KREMEN1: variants seen among roughly 807,000 people sequenced by gnomAD.
KREMEN1 encodes the protein kremen protein 1.
A neutral mutation model predicts 46.5 loss-of-function variants in KREMEN1; 30 were observed. The observed-to-expected ratio is 0.65, with a 90% CI of 0.48 to 0.88. The LOEUF (loss-of-function observed/expected upper bound fraction) is 0.88. KREMEN1 is among the 40% of genes least tolerant of loss of function. The probability of loss-of-function intolerance (pLI) is 0.00; values close to 1 mark genes in which losing one functional copy is unlikely to be tolerated. For synonymous variants in KREMEN1, 214 were observed against 230.6 expected (o/e 0.93, Z 0.65); for missense variants, 533 against 596.9 (o/e 0.89, Z 1.11).
downstream of KREMEN1, among the ~76,000 whole-genome samples, chr22:29,147,713 G>A (rs1291885518): frequency 6.6e-6 from 1 of 152,194 alleles, no homozygotes; most frequent in Admixed American, 6.5e-5. Context: ...AGACTCTACA[G>A]GCCCAGCCAG....
chr22:29,121,401 C>T lies in KREMEN1; in HGVS notation c.397C>T (p.Pro133Ser). The T allele has an allele frequency of 6.2e-7, 1 of 1,614,116 alleles. No individual in the cohort carries two copies. Among genetic ancestry groups the T allele is most frequent in the East Asian group, 2.2e-5 (1 of 44,882 alleles). ...GCYKDHGNPP[P>S]LTGTSKTSNK... ...CTACAAGGATCATGGAAACCCACCT[C>T]CTCTAACTGGCACCAGTAAAACGTC... The change falls in exon 4 of 9, where the codon CCT (proline) becomes TCT (serine). Residue 133 changes from proline (P) to serine (S), a missense_variant. Transcript: ENST00000400335.
intron 7 of KREMEN1, 66 bp from the exon 8 acceptor site, chr22:29,140,216 C>T: frequency 7.7e-7 from 1 of 1,292,754 alleles, no homozygotes; most frequent in East Asian, 2.3e-5. Flanking sequence ...TTGGGTATTC[C>T]AGCCGACCTC....
intron 1 of KREMEN1, among the ~76,000 whole-genome samples, chr22:29,088,344 T>C (rs1022364465): frequency 6.7e-6 from 1 of 150,364 alleles, no homozygotes; most frequent in Non-Finnish European, 1.5e-5. Flanking sequence ...CACACATATT[T>C]TGAGATGGGG....
At position 29,073,447 on chromosome 22, in the gene KREMEN1, C is replaced by T. The variant is rs543762134; in HGVS notation, c.97+220C>T. Among the ~76,000 whole-genome samples, 18 of 152,186 alleles carry T rather than the reference C, an allele frequency of 1.2e-4. No homozygotes were observed. The East Asian group carries it at 2.3e-3, about 20-fold the overall frequency. On this transcript the variant is annotated intron_variant, in intron 1 of 8. Transcript: ENST00000400335. The surrounding 1 kb of genome is among the most constrained non-coding windows in gnomAD (Gnocchi z 4.4). ...CGCCCCCGGGCCCGGTACTGTCCCC[C>T]GGCTGCAGGACCCGGTGCTCCTCAG...
At chr22:29,090,256 G>A (rs1026722582) in intron 1 of KREMEN1, among the ~76,000 whole-genome samples, 8 of 152,238 alleles carry the variant, frequency 5.3e-5, no homozygotes, top group Admixed American at 1.3e-4. Flanking sequence ...GGTTTAAGCC[G>A]CTCCTTGCTT....
At position 29,142,129 on chromosome 22, in the gene KREMEN1, A is replaced by C; in HGVS notation, c.*17A>C. 6.4e-7 allele frequency: 1 copy of C among 1,551,548 alleles called. No homozygotes were observed. The highest frequency in any genetic ancestry group is 1.2e-5 in the South Asian group (1 of 81,282). ...AGTGACTAAAAACCCCACTGTGCCTAGGACTTGAGGTCCCTCTTTGAGCTC... is the reference window on the plus strand; with the variant it reads ...AGTGACTAAAAACCCCACTGTGCCTCGGACTTGAGGTCCCTCTTTGAGCTC... On this transcript the variant is annotated 3_prime_UTR_variant, in exon 9 of 9. Coordinates refer to ENST00000400335, the MANE Select transcript of KREMEN1 (RefSeq NM_001039570.3).
At chr22:29,096,776 A>G (rs1390476035) in intron 2 of KREMEN1, among the ~76,000 whole-genome samples, 1 of 152,218 alleles carries the variant, frequency 6.6e-6, no homozygotes, top group Non-Finnish European at 1.5e-5. Context: ...TAAGGGCTTT[A>G]CCAAATAAAT....
Position 29,155,452 on chromosome 22 carries a change from T to C in KREMEN1, c.1417-11592T>C, listed in dbSNP as rs768643510. Reference sequence around the variant, plus strand: ...CAGGAGGCTGAAGTGGGAGAATCACTTGAGCCTGGGAGGTCTAGGCTGCAG... The same window carrying C: ...CAGGAGGCTGAAGTGGGAGAATCACCTGAGCCTGGGAGGTCTAGGCTGCAG... On this transcript the variant is annotated intron_variant, in intron 9 of 9. Transcript: ENST00000327813. 3.6e-4 allele frequency among the ~76,000 whole-genome samples: 55 copies of C among 152,210 alleles called. 1 individual carries two copies. The highest frequency in any genetic ancestry group is 6.2e-4 in the South Asian group (3 of 4,820).
intron 1 of KREMEN1, among the ~76,000 whole-genome samples, chr22:29,082,170 C>G (rs996611654): frequency 3.3e-5 from 5 of 152,026 alleles, no homozygotes; most frequent in Admixed American, 6.6e-5. Context: ...CTGGGTGCCT[C>G]CTGCTTAAAG....
chr22:29,143,408 TG>T lies in KREMEN1; in HGVS notation c.*1297del. The T allele has an allele frequency of 2.0e-6, 2 of 985,426 alleles. No individual in the cohort carries two copies. The highest frequency in any genetic ancestry group is 2.4e-6 in the Non-Finnish European group (2 of 829,974). 61.0% of individuals were successfully genotyped at this position (985,426 alleles called of 1,614,324 possible). ...GCAGCACTATATGAGACATGGGGCCTGTGGTCCTTCCTTCTGGTGTCCCCCG... is the reference window on the plus strand; with the variant it reads ...GCAGCACTATATGAGACATGGGGCCTTGGTCCTTCCTTCTGGTGTCCCCCG... On this transcript the variant is annotated 3_prime_UTR_variant, in exon 9 of 9. Coordinates refer to ENST00000400335, the MANE Select transcript of KREMEN1 (RefSeq NM_001039570.3).
At chr22:29,131,754 ATGTATATATATATG>A (rs1569331644) in intron 5 of KREMEN1, among the ~76,000 whole-genome samples, 5 of 133,614 alleles carry the variant, frequency 3.7e-5, no homozygotes, top group African/African-American at 1.6e-4. Context: ...ATATGTATAT[ATGTATATATATATG>A]TATATATATA....
At position 29,125,344 on chromosome 22, in the gene KREMEN1, G is replaced by C; in HGVS notation, c.559G>C (p.Glu187Gln). 1 of 1,614,186 alleles carries C rather than the reference G, an allele frequency of 6.2e-7. No individual in the cohort carries two copies. The highest frequency in any genetic ancestry group is 8.5e-7 in the Non-Finnish European group (1 of 1,180,032). Residue 187 changes from glutamate to glutamine, a missense_variant, in exon 5 of 9, where the codon GAA (glutamate) becomes CAA (glutamine). Transcript: ENST00000400335. ...YWKYGEAAST[E>Q]CNSVCFGDHT... ...GAAGTACGGGGAGGCAGCCAGTACC[G>C]AATGCAACAGCGTCTGCTTCGGGGA...
At chr22:29,136,957 C>T (rs1055460884) in intron 5 of KREMEN1, among the ~76,000 whole-genome samples, 4 of 152,172 alleles carry the variant, frequency 2.6e-5, no homozygotes, top group South Asian at 4.1e-4. Context: ...CATGTGCCAT[C>T]ACACATTCCC....
intron 9 of KREMEN1, among the ~76,000 whole-genome samples, chr22:29,161,518 A>AAG (rs1171926535): frequency 6.6e-6 from 1 of 151,358 alleles, no homozygotes; most frequent in East Asian, 1.9e-4. Flanking sequence ...AAAAAAAAAA[A>AAG]AAAAAAAAAA....
chr22:29,080,826 C>G (rs1350407906), intron 1 of KREMEN1, among the ~76,000 whole-genome samples: 1 of 152,084 alleles, frequency 6.6e-6, no homozygotes, highest in Non-Finnish European at 1.5e-5. Context: ...AGGGATGCTG[C>G]TGCTAAACAT....
At chr22:29,130,906 G>C (rs955645501) in intron 5 of KREMEN1, among the ~76,000 whole-genome samples, 1 of 152,080 alleles carries the variant, frequency 6.6e-6, no homozygotes, top group Non-Finnish European at 1.5e-5. Flanking sequence ...GTTTCCTGTT[G>C]GATTATCACT....
chr22:29,080,311 TG>T (rs2037633921), intron 1 of KREMEN1, among the ~76,000 whole-genome samples: 2 of 152,272 alleles, frequency 1.3e-5, no homozygotes, highest in Non-Finnish European at 2.9e-5. Context: ...CTGTAACTGC[TG>T]CCATCTGCAC....
rs955007461 is a variant in KREMEN1 at position 29,073,234 on chromosome 22, G to A, written c.97+7G>A. ...GGCCTCGGCCCCGGACCCGGTGAGT[G>A]TGAGCGACCCCCCGCCGCCCGCCCT... On this transcript the variant is annotated splice_region_variant and intron_variant, in intron 1 of 8. Transcript: ENST00000400335. The surrounding 1 kb of genome is among the most constrained non-coding windows in gnomAD (Gnocchi z 4.4). 2 of 1,143,098 alleles carry A rather than the reference G, an allele frequency of 1.7e-6. No individual in the cohort carries two copies. The highest frequency in any genetic ancestry group is 2.2e-6 in the Non-Finnish European group (2 of 922,028). The allele number at this position is 1,143,098 out of a possible 1,614,324, so 70.8% of individuals were successfully genotyped here.
rs1229221897 is a variant in KREMEN1, at chr22:29,131,702, ATATATATGTATATATG to A, written c.632-5632_632-5617del. Among the ~76,000 whole-genome samples, 196 of 93,322 alleles carry A rather than the reference ATATATATGTATATATG, an allele frequency of 2.1e-3. 8 individuals carry two copies. Among genetic ancestry groups the A allele is most frequent in the African/African-American group, 7.6e-3 (179 of 23,684 alleles). 61.2% of individuals were successfully genotyped at this position (93,322 alleles called of 152,430 possible). On this transcript the variant is annotated intron_variant, in intron 5 of 8. Coordinates refer to ENST00000400335, the MANE Select transcript of KREMEN1 (RefSeq NM_001039570.3). ...TGCATATATACATGTATATATGTGTATATATATGTATATATGTATATATATGTATATATGTGTATAT... is the reference window on the plus strand; with the variant it reads ...TGCATATATACATGTATATATGTGTATATATATATGTATATATGTGTATAT...
Sources: gnomAD v4.1 joint callset for allele counts (sites outside exome capture counted in the v4.1 genomes callset) on GRCh38, gnomAD v4.1.1 for gene constraint, Gnocchi (gnomAD v3.1) non-coding constraint, MANE v1.5 for transcripts, NCBI Gene and HGNC (gene_info 2026-07-23, HGNC 2026-07-21) for gene names.